The following WDR7 variants were observed in gnomAD, a reference collection of about 807,000 sequenced individuals.
The protein encoded by WDR7 is WD repeat domain 7, also known as WD repeat-containing protein 7.
A neutral mutation model predicts 169.4 loss-of-function variants in WDR7; 46 were observed. That is an observed-to-expected ratio of 0.27 (90% CI 0.21 to 0.35). The LOEUF is 0.35. Ranked by LOEUF, WDR7 falls within the 10% of genes least tolerant of loss-of-function variation. WDR7 has a pLI of 1.00. For missense variants in WDR7, 1,534 were observed against 1,859.3 expected (o/e 0.83, Z 3.22); for synonymous variants, 612 against 666.8 (o/e 0.92, Z 1.27).
rs140267080 is a variant in WDR7 at position 56,892,269 on chromosome 18, A to G, written c.3526+12104A>G. On this transcript the variant is annotated intron_variant, in intron 21 of 27. Coordinates refer to ENST00000254442, the MANE Select transcript of WDR7 (RefSeq NM_015285.3). ...GTAGAGTGCTTGTATTTATTTTGCCACTTGAACTTGCCTATCTCACTTTAA... is the reference window on the plus strand; with the variant it reads ...GTAGAGTGCTTGTATTTATTTTGCCGCTTGAACTTGCCTATCTCACTTTAA... Among the ~76,000 whole-genome samples the G allele has an allele frequency of 2.2e-3, 334 of 152,220 alleles. 1 individual carries two copies. The highest frequency in any genetic ancestry group is 7.8e-3 in the African/African-American group (324 of 41,550).
At chr18:56,980,036 T>C (rs77549954) in intron 26 of WDR7, among the ~76,000 whole-genome samples, 186 of 152,236 alleles carry the variant, frequency 1.2e-3, no homozygotes, top group African/African-American at 4.4e-3. Flanking sequence ...CATTCTGAGC[T>C]CTCCTCTAAG....
chr18:56,863,522 T>C (rs1057041927), intron 20 of WDR7, among the ~76,000 whole-genome samples: 1 of 151,680 alleles, frequency 6.6e-6, no homozygotes. Context: ...GTACTAATTT[T>C]ATAAATTATT....
At chr18:56,952,547 C>G (rs2047197163) in intron 25 of WDR7, among the ~76,000 whole-genome samples, 1 of 152,166 alleles carries the variant, frequency 6.6e-6, no homozygotes, top group African/African-American at 2.4e-5. Context: ...TAATCCTACA[C>G]TAAGACTATT....
intron 26 of WDR7, among the ~76,000 whole-genome samples, chr18:56,964,248 T>C (rs2576417): frequency 4.0e-5 from 6 of 151,882 alleles, no homozygotes; most frequent in Non-Finnish European, 8.8e-5. Flanking sequence ...GAATATCTTA[T>C]CTTTTTCAAT....
chr18:56,986,983 G>C (rs533232569), intron 26 of WDR7, among the ~76,000 whole-genome samples: 1 of 152,176 alleles, frequency 6.6e-6, no homozygotes. Context: ...TTTACCTATT[G>C]TTATGCAAAC....
At chr18:56,788,029 A>G (rs2145101546) in intron 19 of WDR7, among the ~76,000 whole-genome samples, 1 of 152,262 alleles carries the variant, frequency 6.6e-6, no homozygotes, top group East Asian at 1.9e-4. Flanking sequence ...CTTTTTATAT[A>G]TGCCTCAGTG....
intron 12 of WDR7, among the ~76,000 whole-genome samples, chr18:56,708,711 G>C (rs913171125): frequency 2.0e-5 from 3 of 152,096 alleles, no homozygotes; most frequent in Admixed American, 2.0e-4. Flanking sequence ...AAGACAGGTG[G>C]ATCACCTGAG....
intron 12 of WDR7, among the ~76,000 whole-genome samples, chr18:56,704,581 G>A (rs979059959): frequency 6.6e-6 from 1 of 152,132 alleles, no homozygotes; most frequent in African/African-American, 2.4e-5. Flanking sequence ...GGTTGTGCAA[G>A]TAATTTTTGT....
intron 23 of WDR7, 67 bp downstream of exon 23, chr18:56,935,972 G>A: frequency 7.2e-7 from 1 of 1,395,668 alleles, no homozygotes; most frequent in South Asian, 1.3e-5. Context: ...TATAAGCTGA[G>A]GGTTCATATC....
intron 19 of WDR7, among the ~76,000 whole-genome samples, chr18:56,811,162 TATC>T (rs2044862380): frequency 1.3e-5 from 2 of 152,360 alleles, no homozygotes; most frequent in South Asian, 4.1e-4. Flanking sequence ...TGTATGAATT[TATC>T]ATTTATTCAT....
chr18:56,652,584 A>T (rs568071370), intron 1 of WDR7, among the ~76,000 whole-genome samples: 7 of 152,370 alleles, frequency 4.6e-5, no homozygotes, highest in African/African-American at 1.7e-4. Flanking sequence ...TATTACAAAG[A>T]ATAAAAAACT....
At chr18:57,021,617 A>G (rs1282028699) in intron 27 of WDR7, among the ~76,000 whole-genome samples, 1 of 152,216 alleles carries the variant, frequency 6.6e-6, no homozygotes, top group African/African-American at 2.4e-5. Flanking sequence ...ATTTTGAGCA[A>G]CTAATTTTGG....
At chr18:56,689,145 C>T (rs2025510733) in intron 7 of WDR7, among the ~76,000 whole-genome samples, 1 of 152,142 alleles carries the variant, frequency 6.6e-6, no homozygotes, top group Admixed American at 6.5e-5. Context: ...AGTACTACAA[C>T]CCACCAGAAT....
Position 56,854,120 on chromosome 18 carries a change from G to A in WDR7, c.3305-25824G>A, listed in dbSNP as rs113655455. 8.2e-3 allele frequency among the ~76,000 whole-genome samples: 1,243 copies of A among 152,286 alleles called. 21 individuals are homozygous for A. Among genetic ancestry groups the A allele is most frequent in the African/African-American group, 0.026 (1,091 of 41,566 alleles). ...GCACAGAAGCCTTCTTTGACTAAATGTACGGGGATTTCTCCCCTCCAGCAA... is the reference window on the plus strand; with the variant it reads ...GCACAGAAGCCTTCTTTGACTAAATATACGGGGATTTCTCCCCTCCAGCAA... On this transcript the variant is annotated intron_variant, in intron 20 of 27. Coordinates refer to ENST00000254442, the MANE Select transcript of WDR7 (RefSeq NM_015285.3).
chr18:56,918,009 T>C (rs995717105), intron 21 of WDR7, among the ~76,000 whole-genome samples: 1 of 152,220 alleles, frequency 6.6e-6, no homozygotes, highest in Non-Finnish European at 1.5e-5. Context: ...ATGTATCCAA[T>C]GCTGGATTTT....
chr18:56,953,120 T>C (rs763623703), intron 25 of WDR7, among the ~76,000 whole-genome samples: 4 of 152,090 alleles, frequency 2.6e-5, no homozygotes, highest in African/African-American at 9.7e-5. Context: ...ATATTGATAG[T>C]GGGGGAGGCT....
chr18:56,938,803 G>T, intron 24 of WDR7, 121 bp downstream of exon 24: 2 of 1,123,586 alleles, frequency 1.8e-6, no homozygotes, highest in South Asian at 1.4e-5. Flanking sequence ...GAGAGAGAAA[G>T]AATGAGTGTG....
intron 25 of WDR7, chr18:56,957,357 G>C (rs187548665): frequency 2.0e-5 from 3 of 151,958 alleles, no homozygotes; most frequent in African/African-American, 7.2e-5. Context: ...ACAAAGAGGA[G>C]GCGCAGCATC....
chr18:57,032,218 C>T (rs989026132), downstream of WDR7: 20 of 152,204 alleles, frequency 1.3e-4, no homozygotes, highest in Admixed American at 6.5e-5. Flanking sequence ...CTCACATTAG[C>T]ATCAGGGGTG....
Sources: allele counts gnomAD v4.1 joint callset (sites outside exome capture counted in the v4.1 genomes callset), GRCh38; gene constraint gnomAD v4.1.1; transcripts MANE v1.5; gene names NCBI Gene and HGNC (gene_info 2026-07-23, HGNC 2026-07-21).